ASH1L: variants seen among roughly 807,000 people sequenced by gnomAD.
ASH1L encodes the protein histone-lysine N-methyltransferase ASH1L.
A neutral mutation model predicts 269.0 loss-of-function variants in ASH1L; 23 were observed. The ratio of observed to expected loss-of-function variants is 0.09; its 90% CI spans 0.06 to 0.12. ASH1L has a LOEUF of 0.12. ASH1L is among the 10% of genes least tolerant of loss of function. The pLI, the probability that ASH1L is intolerant of heterozygous loss-of-function variation, is 1.00. For synonymous variants in ASH1L, 1,187 were observed against 1,253.5 expected (o/e 0.95, Z 1.12); for missense variants, 2,912 against 3,567.8 (o/e 0.82, Z 4.68).
At chr1:155,490,474 G>A (rs990002986) in intron 2 of ASH1L, among the ~76,000 whole-genome samples, 10 of 151,522 alleles carry the variant, frequency 6.6e-5, no homozygotes, top group African/African-American at 2.2e-4. Flanking sequence ...AAAAAATCCA[G>A]CTGGAAGTGG....
chr1:155,368,064 A>T (rs949529456), intron 12 of ASH1L, among the ~76,000 whole-genome samples: 6 of 152,156 alleles, frequency 3.9e-5, no homozygotes, highest in Admixed American at 3.9e-4. Flanking sequence ...GTGCAGTTGC[A>T]TGATCACAGG....
In ASH1L at chr1:155,464,792, G is replaced by A. The variant is rs143101459; in HGVS notation, c.4985-4894C>T. On this transcript the variant is annotated intron_variant, in intron 3 of 27. Coordinates refer to ENST00000392403, the MANE Select transcript of ASH1L (RefSeq NM_018489.3). ...TTTGGCCAGTATTTGATGAACTTTT[G>A]AAGATAAAGACAGGATTTACAGAAA... 4.6e-5 allele frequency among the ~76,000 whole-genome samples: 7 copies of A among 152,216 alleles called. No homozygotes were observed. In the East Asian group the frequency reaches 1.4e-3, roughly 29 times the overall value.
At chr1:155,508,703 A>G (rs191347493) in intron 2 of ASH1L, among the ~76,000 whole-genome samples, 1 of 152,344 alleles carries the variant, frequency 6.6e-6, no homozygotes, top group African/African-American at 2.4e-5. Context: ...TTCTACTTAG[A>G]GCAATATGCT....
At chr1:155,554,831 T>C (rs1295421016) in intron 1 of ASH1L, among the ~76,000 whole-genome samples, 2 of 152,034 alleles carry the variant, frequency 1.3e-5, no homozygotes, top group East Asian at 1.9e-4. Flanking sequence ...AACAAACAAA[T>C]GAATGGCTTG....
chr1:155,387,235 A>G (rs1657513058), intron 7 of ASH1L, among the ~76,000 whole-genome samples: 1 of 152,178 alleles, frequency 6.6e-6, no homozygotes. Flanking sequence ...CAGCCTCCCA[A>G]AGTGCTGGGA....
chr1:155,375,869 A>G (rs1656393003), intron 10 of ASH1L, among the ~76,000 whole-genome samples: 1 of 151,900 alleles, frequency 6.6e-6, no homozygotes, highest in Non-Finnish European at 1.5e-5. Context: ...GTTGTCCTTC[A>G]TATAGTGAGA....
At chr1:155,441,392 A>T (rs1043702792) in intron 4 of ASH1L, among the ~76,000 whole-genome samples, 5 of 150,718 alleles carry the variant, frequency 3.3e-5, no homozygotes, top group African/African-American at 1.2e-4. Flanking sequence ...ACTGGCCAAC[A>T]GATCCTGCTG....
At position 155,478,037 on chromosome 1, in the gene ASH1L, T is replaced by A; in HGVS notation, c.4833A>T (p.Ile1611=). The part of the protein sequence containing the change: ...DEHTNLFTSA[I]GSCRVSNPNS... The stretch of plus-strand genomic sequence containing the variant: ...TAGGGTTTGAAACTCTGCAGCTGCC[T>A]ATTGCACTTGTGAAAAGGTTTGTAT... Residue 1611 remains isoleucine, a synonymous_variant, in exon 3 of 28, where the codon ATA becomes ATT. Transcript: ENST00000392403. This position sits in a 1 kb window ranked among gnomAD's most constrained non-coding sequence, Gnocchi z 4.6. 1 of 1,614,246 alleles carries A rather than the reference T, an allele frequency of 6.2e-7. No individual in the cohort carries two copies. The highest frequency in any genetic ancestry group is 2.2e-5 in the East Asian group (1 of 44,882).
intron 2 of ASH1L, among the ~76,000 whole-genome samples, chr1:155,512,933 T>C (rs1668260554): frequency 6.6e-6 from 1 of 151,888 alleles, no homozygotes; most frequent in African/African-American, 2.4e-5. Flanking sequence ...GGCACACACC[T>C]GTAGCCGCGG....
At position 155,480,112 on chromosome 1, in the gene ASH1L, T is replaced by C. The variant is rs1193050828; in HGVS notation, c.2758A>G (p.Ser920Gly). Residue 920 changes from serine to glycine, a missense_variant, in exon 3 of 28, where the codon AGC becomes GGC. Ser to Gly is a moderately conservative substitution (Grantham distance 56). Transcript: ENST00000392403. Reference sequence around the variant, plus strand: ...TTGTCACTTTCAGATTCTAGCTTGCTTGGACTTTCAGTGGCAACAAATGGA... The same window carrying C: ...TTGTCACTTTCAGATTCTAGCTTGCCTGGACTTTCAGTGGCAACAAATGGA... The part of the protein sequence containing the change: ...VAPFVATESP[S>G]KLESESDNHR... The C allele has an allele frequency of 6.2e-7, 1 of 1,614,132 alleles. No homozygotes were observed. The highest frequency in any genetic ancestry group is 1.1e-5 in the South Asian group (1 of 91,086).
At chr1:155,504,063 A>G (rs565516334) in intron 2 of ASH1L, among the ~76,000 whole-genome samples, 1 of 152,314 alleles carries the variant, frequency 6.6e-6, no homozygotes, top group Admixed American at 6.5e-5. Flanking sequence ...GCAAAATGAC[A>G]TTCATTTGTA....
At position 155,441,321 on chromosome 1, in the gene ASH1L, G is replaced by GC. The variant is rs375281824; in HGVS notation, c.5087-2254dup. 1.5e-3 allele frequency among the ~76,000 whole-genome samples: 191 copies of GC among 123,812 alleles called. 1 individual carries two copies. Among genetic ancestry groups the GC allele is most frequent in the African/African-American group, 4.6e-3 (156 of 33,580 alleles). 81.2% of individuals were successfully genotyped at this position (123,812 alleles called of 152,430 possible). A position where few individuals can be genotyped will look rare whatever the true frequency, so the allele number is the denominator to read the frequency against. On this transcript the variant is annotated intron_variant, in intron 4 of 27. Transcript: ENST00000392403. ...CACCCCCCACTCCCACCCCGGCCCC[G>GC]CCACAAGCCCTTGGATTCAAGCTTC...
At chr1:155,459,984 G>T (rs951735532) in intron 3 of ASH1L, 86 bp from the exon 4 acceptor site, 2 of 1,031,168 alleles carry the variant, frequency 1.9e-6, no homozygotes, top group African/African-American at 3.2e-5. Flanking sequence ...ACTTGTTACA[G>T]TTTAGTTGCT....
chr1:155,552,371 CAGG>C (rs1309469643), intron 1 of ASH1L, among the ~76,000 whole-genome samples: 4 of 152,114 alleles, frequency 2.6e-5, no homozygotes, highest in East Asian at 3.8e-4. Flanking sequence ...GAGGCTGAGG[CAGG>C]AGAATTGCTT....
intron 6 of ASH1L, among the ~76,000 whole-genome samples, chr1:155,400,927 A>C (rs1027447835): frequency 3.3e-5 from 5 of 152,198 alleles, no homozygotes; most frequent in Non-Finnish European, 7.3e-5. Context: ...TGGGAGGCTG[A>C]GTCAGGCAGA....
intron 5 of ASH1L, among the ~76,000 whole-genome samples, chr1:155,420,687 C>A (rs1660602736): frequency 6.6e-6 from 1 of 151,238 alleles, no homozygotes; most frequent in East Asian, 2.0e-4. Flanking sequence ...TCCATCTCTA[C>A]TAAAATATAA....
intron 7 of ASH1L, among the ~76,000 whole-genome samples, chr1:155,387,444 G>T (rs577150141): frequency 1.3e-5 from 2 of 152,154 alleles, no homozygotes; most frequent in Non-Finnish European, 2.9e-5. Context: ...CGCAGTTGTA[G>T]GTGTGCAGTC....
intron 4 of ASH1L, among the ~76,000 whole-genome samples, chr1:155,450,090 T>C (rs116823452): frequency 8.5e-4 from 130 of 152,388 alleles, no homozygotes; most frequent in African/African-American, 2.9e-3. Context: ...TTTAAAGACA[T>C]CATTCCATTG....
At chr1:155,433,448 T>G in intron 5 of ASH1L, 1 of 1,610,386 alleles carries the variant, frequency 6.2e-7, no homozygotes, top group Non-Finnish European at 8.5e-7. Flanking sequence ...CCAAGGCGGC[T>G]TGGAGACCTC....
Sources: allele counts gnomAD v4.1 joint callset (sites outside exome capture counted in the v4.1 genomes callset), GRCh38; gene constraint gnomAD v4.1.1; non-coding constraint Gnocchi (gnomAD v3.1); transcripts MANE v1.5; gene names NCBI Gene and HGNC (gene_info 2026-07-23, HGNC 2026-07-21).